Variants in KATNAL2 observed in about 807,000 individuals in gnomAD.
KATNAL2 encodes katanin catalytic subunit A1 like 2.
A neutral mutation model predicts 76.3 loss-of-function variants in KATNAL2; 52 were observed. The ratio of observed to expected loss-of-function variants is 0.68; its 90% CI spans 0.55 to 0.86. The LOEUF is 0.86. Among genes scored for constraint, KATNAL2 ranks in the 40% least tolerant of loss-of-function variants. KATNAL2 has a pLI of 0.00. For synonymous variants in KATNAL2, 243 were observed against 244.2 expected (o/e 1.00, Z 0.05); for missense variants, 660 against 668.9 (o/e 0.99, Z 0.15).
At chr18:47,099,452 A>G in intron 16 of KATNAL2, 47 bp downstream of exon 16, 1 of 1,533,522 alleles carries the variant, frequency 6.5e-7, no homozygotes, top group Non-Finnish European at 8.8e-7. Context: ...GGCCCACCAT[A>G]TGGCCATCTT....
chr18:47,066,930 A>T (rs2061833172), intron 10 of KATNAL2, 91 bp from the exon 11 acceptor site: 1 of 375,618 alleles, frequency 2.7e-6, no homozygotes, highest in Non-Finnish European at 4.8e-6. Context: ...TTTATATCCT[A>T]TTGTAAGTCA....
At chr18:47,043,587 T>C (rs886430787) in intron 3 of KATNAL2, among the ~76,000 whole-genome samples, 5 of 151,742 alleles carry the variant, frequency 3.3e-5, no homozygotes, top group Non-Finnish European at 5.9e-5. Flanking sequence ...TGCAAGAAAA[T>C]GTCAAAGGGA....
rs991350592 is a variant in KATNAL2 at position 47,048,995 on chromosome 18, C to T, written c.122+2468C>T. Reference sequence around the variant, plus strand: ...GACTACAGGCACCCGCCACCAAGCCCGGCTAATTGTTTTGTATTTTTAGTA... The same window carrying T: ...GACTACAGGCACCCGCCACCAAGCCTGGCTAATTGTTTTGTATTTTTAGTA... On this transcript the variant is annotated intron_variant, in intron 4 of 17. Coordinates refer to ENST00000683218, the MANE Select transcript of KATNAL2 (RefSeq NM_001387690.1). 3.9e-5 allele frequency among the ~76,000 whole-genome samples: 6 copies of T among 151,932 alleles called. 1 individual carries two copies. The South Asian group carries it at 1.3e-3, about 32-fold the overall frequency.
chr18:46,951,343 T>C (rs1375486168), intron 3 of KATNAL2, among the ~76,000 whole-genome samples: 1 of 152,006 alleles, frequency 6.6e-6, no homozygotes, highest in Non-Finnish European at 1.5e-5. Flanking sequence ...ACTTCCTTCC[T>C]AGACTTTCCA....
At chr18:47,039,930 C>G in intron 3 of KATNAL2, among the ~76,000 whole-genome samples, 1 of 152,190 alleles carries the variant, frequency 6.6e-6, no homozygotes, top group South Asian at 2.1e-4. Flanking sequence ...GGGATATGGA[C>G]ATTGTTAGAA....
At chr18:47,031,487 C>G (rs535517756) in intron 3 of KATNAL2, among the ~76,000 whole-genome samples, 1 of 152,014 alleles carries the variant, frequency 6.6e-6, no homozygotes, top group Admixed American at 6.6e-5. Context: ...TCATTATGCC[C>G]TGAGAATCGG....
At chr18:46,961,879 G>A (rs1038383185) in intron 3 of KATNAL2, among the ~76,000 whole-genome samples, 6 of 152,172 alleles carry the variant, frequency 3.9e-5, no homozygotes, top group African/African-American at 7.2e-5. Flanking sequence ...GCCTGCAACC[G>A]TATGATATGA....
chr18:47,100,943 C>T lies in KATNAL2; in HGVS notation c.1555C>T (p.Pro519Ser), dbSNP rs1201917195. Residue 519 changes from proline (P) to serine (S), a missense_variant, in exon 18 of 18, where the codon CCC becomes TCC. Transcript: ENST00000683218. Reference sequence around the variant, plus strand: ...TCTGGATGTGCTAACTCACACCAAGCCCTCCGCAAAGAATCTGGCTCAGAG... The same window carrying T: ...TCTGGATGTGCTAACTCACACCAAGTCCTCCGCAAAGAATCTGGCTCAGAG... ...DFLDVLTHTK[P>S]SAKNLAQRYS... 1.2e-6 allele frequency: 2 copies of T among 1,614,080 alleles called. No individual in the cohort carries two copies.
intron 17 of KATNAL2, 82 bp from the exon 18 acceptor site, chr18:47,100,784 A>G: frequency 6.6e-7 from 1 of 1,506,134 alleles, no homozygotes; most frequent in Non-Finnish European, 9.2e-7. Flanking sequence ...CATTATTTTG[A>G]AAGAAGGTCT....
intron 10 of KATNAL2, among the ~76,000 whole-genome samples, chr18:47,065,059 T>A (rs1039564882): frequency 3.3e-5 from 5 of 152,214 alleles, no homozygotes; most frequent in African/African-American, 1.2e-4. Flanking sequence ...TGGGCCTGCA[T>A]GTAGATCCAG....
chr18:47,033,917 C>A (rs747669092), intron 3 of KATNAL2: 1 of 1,613,068 alleles, frequency 6.2e-7, no homozygotes, highest in Non-Finnish European at 8.5e-7. Context: ...GTTTTCGGCC[C>A]GGCGGAATCA....
At position 47,059,595 on chromosome 18, in the gene KATNAL2, G is replaced by A. The variant is rs748167860; in HGVS notation, c.490G>A (p.Gly164Ser). The part of the protein sequence containing the change: ...DNTRLESANF[G>S]LHISRIRKDS... ...CACTCGCCTGGAAAGTGCCAACTTC[G>A]GCCTACATATATCAAGAATCCGTAA... is the stretch of plus-strand genomic sequence containing the variant. Residue 164 changes from glycine to serine, a missense_variant, in exon 8 of 18, where the codon GGC (glycine) becomes AGC (serine). Gly to Ser is a moderately conservative substitution (Grantham distance 56). Coordinates refer to ENST00000683218, the MANE Select transcript of KATNAL2 (RefSeq NM_001387690.1). 38 of 1,613,566 alleles carry A rather than the reference G, an allele frequency of 2.4e-5. No homozygotes were observed. The highest frequency in any genetic ancestry group is 5.3e-5 in the African/African-American group (4 of 74,886).
intron 1 of KATNAL2, among the ~76,000 whole-genome samples, chr18:46,923,584 A>C (rs1395093203): frequency 6.6e-6 from 1 of 152,178 alleles, no homozygotes; most frequent in African/African-American, 2.4e-5. Flanking sequence ...CTTTGGGTAT[A>C]TACCCAGTAA....
At chr18:47,050,570 G>A (rs558371163) in intron 4 of KATNAL2, among the ~76,000 whole-genome samples, 1 of 152,260 alleles carries the variant, frequency 6.6e-6, no homozygotes, top group South Asian at 2.1e-4. Flanking sequence ...TTTCCTTTCT[G>A]CCACGAGATG....
At chr18:46,944,214 G>A (rs1354115199) in intron 1 of KATNAL2, among the ~76,000 whole-genome samples, 2 of 152,150 alleles carry the variant, frequency 1.3e-5, no homozygotes, top group East Asian at 3.9e-4. Flanking sequence ...TCATTGCCTT[G>A]TAAGACATTA....
chr18:46,929,841 C>G (rs1326460392), intron 1 of KATNAL2, among the ~76,000 whole-genome samples: 1 of 152,068 alleles, frequency 6.6e-6, no homozygotes, highest in Non-Finnish European at 1.5e-5. Context: ...GTGATGTGAT[C>G]TCAGCTTACT....
At position 46,957,553 on chromosome 18, in the gene KATNAL2, C is replaced by CCTTTTTTTTT. The variant is rs1161903395; in HGVS notation, c.51+10630_51+10631insCTTTTTTTTT. The stretch of plus-strand genomic sequence containing the variant: ...ACAGGCGTGAACCACCGCGCCTGGC[C>CCTTTTTTTTT]TTTTTTTTTTTTTTTTTTTTTTTTT... On this transcript the variant is annotated intron_variant, in intron 3 of 17. Coordinates refer to ENST00000683218, the MANE Select transcript of KATNAL2 (RefSeq NM_001387690.1). 3.3e-5 allele frequency among the ~76,000 whole-genome samples: 2 copies of CCTTTTTTTTT among 60,512 alleles called. 1 individual carries two copies. Among genetic ancestry groups the CCTTTTTTTTT allele is most frequent in the African/African-American group, 1.3e-4 (2 of 15,076 alleles). The allele number at this position is 60,512 out of a possible 152,430, so 39.7% of individuals were successfully genotyped here. A position where few individuals can be genotyped will look rare whatever the true frequency, so the allele number is the denominator to read the frequency against.
chr18:47,083,904 A>G (rs2062645772), intron 15 of KATNAL2, among the ~76,000 whole-genome samples: 1 of 152,234 alleles, frequency 6.6e-6, no homozygotes, highest in Non-Finnish European at 1.5e-5. Flanking sequence ...AAGACTAAAT[A>G]TATGAAGCAT....
chr18:46,945,930 T>A (rs573240094), intron 1 of KATNAL2, 127 bp from the exon 2 acceptor site: 10 of 152,462 alleles, frequency 6.6e-5, no homozygotes, highest in Admixed American at 5.9e-4. Context: ...AGGACCAGAA[T>A]GTGTTGAGAA....
Sources: gnomAD v4.1 joint callset for allele counts (sites outside exome capture counted in the v4.1 genomes callset) on GRCh38, gnomAD v4.1.1 for gene constraint, MANE v1.5 for transcripts, NCBI Gene and HGNC (gene_info 2026-07-23, HGNC 2026-07-21) for gene names.